ARAP2: variants seen among roughly 807,000 people sequenced by gnomAD.
ARAP2 encodes arf-GAP with Rho-GAP domain, ANK repeat and PH domain-containing protein 2.
Under a neutral mutation model 194.5 loss-of-function variants are expected in ARAP2, and 148 were observed. The observed-to-expected ratio is 0.76, with a 90% CI of 0.67 to 0.87. ARAP2 has a LOEUF of 0.87. ARAP2 is among the 40% of genes least tolerant of loss of function. The probability of loss-of-function intolerance (pLI) is 0.00; values close to 1 mark genes in which losing one functional copy is unlikely to be tolerated. For synonymous variants in ARAP2, 695 were observed against 683.5 expected (o/e 1.02, Z -0.26); for missense variants, 2,128 against 1,989.7 (o/e 1.07, Z -1.32).
At chr4:36,114,897 C>T (rs536413107) in intron 25 of ARAP2, among the ~76,000 whole-genome samples, 3 of 152,076 alleles carry the variant, frequency 2.0e-5, no homozygotes, top group South Asian at 4.1e-4. Context: ...AAGCACATCA[C>T]CTCTTCAGGG....
chr4:36,194,495 A>G (rs1742655273), intron 6 of ARAP2, among the ~76,000 whole-genome samples: 2 of 152,166 alleles, frequency 1.3e-5, no homozygotes, highest in South Asian at 4.1e-4. Flanking sequence ...ACAAATATCA[A>G]CTCTGTCTAC....
intron 9 of ARAP2, among the ~76,000 whole-genome samples, chr4:36,167,526 A>G (rs1323788349): frequency 2.0e-5 from 3 of 152,158 alleles, no homozygotes; most frequent in Non-Finnish European, 4.4e-5. Context: ...TCTGGAGCCC[A>G]ATCTGATTGC....
rs1375425096 is a variant in ARAP2 at position 36,229,482 on chromosome 4, G to C, written c.5C>G (p.Ser2Cys). Residue 2 changes from serine to cysteine, a missense_variant, in exon 2 of 33, where the codon TCC becomes TGC. Coordinates refer to ENST00000303965, the MANE Select transcript of ARAP2 (RefSeq NM_015230.4). M[S>C]SVSEVNVDIK... ...ATCCACATTTACTTCACTGACTGAGGACATAATGGTGGCTTCATTACTAAG... is the reference window on the plus strand; with the variant it reads ...ATCCACATTTACTTCACTGACTGAGCACATAATGGTGGCTTCATTACTAAG... 8 of 1,601,010 alleles carry C rather than the reference G, an allele frequency of 5.0e-6. No homozygotes were observed. The highest frequency in any genetic ancestry group is 6.0e-6 in the Non-Finnish European group (7 of 1,172,384).
At chr4:36,211,420 T>C (rs1414690008) in intron 5 of ARAP2, among the ~76,000 whole-genome samples, 1 of 152,128 alleles carries the variant, frequency 6.6e-6, no homozygotes, top group Non-Finnish European at 1.5e-5. Flanking sequence ...GATGACATAA[T>C]AGATCAACTC....
At chr4:36,048,447 T>C (rs116672532) in intron 3 of ARAP2, among the ~76,000 whole-genome samples, 9,582 of 152,260 alleles carry the variant, frequency 0.063, 348 homozygotes, top group East Asian at 0.094. Context: ...CTCCCACTTA[T>C]AAGTGAGAAC....
intron 5 of ARAP2, among the ~76,000 whole-genome samples, chr4:36,021,907 G>A (rs1717011692): frequency 6.6e-6 from 1 of 152,118 alleles, no homozygotes; most frequent in African/African-American, 2.4e-5. Flanking sequence ...TTTGTTGTGT[G>A]AACATCAGAG....
chr4:36,088,770 C>A (rs558994481), intron 28 of ARAP2, among the ~76,000 whole-genome samples: 5 of 152,196 alleles, frequency 3.3e-5, no homozygotes, highest in African/African-American at 1.2e-4. Context: ...TGAACAGAAG[C>A]CACAGAACAA....
intron 16 of ARAP2, 70 bp from the exon 17 acceptor site, chr4:36,148,577 G>C: frequency 9.4e-7 from 1 of 1,067,694 alleles, no homozygotes; most frequent in Non-Finnish European, 1.4e-6. Context: ...TAACACAAAG[G>C]TCATGTTTTT....
At chr4:36,178,152 C>G in intron 8 of ARAP2, 147 bp from the exon 9 acceptor site, 1 of 646,752 alleles carries the variant, frequency 1.5e-6, no homozygotes. Flanking sequence ...GTAAACAGAG[C>G]CAATGACTCA....
At chr4:36,065,327 G>T (rs1048198591), downstream of ARAP2, 3 of 500,610 alleles carry the variant, frequency 6.0e-6, no homozygotes, top group South Asian at 4.5e-5. Context: ...ATGTCCCAAA[G>T]AGCTGGCTGT....
intron 9 of ARAP2, among the ~76,000 whole-genome samples, chr4:36,009,598 A>G (rs1577513527): frequency 6.6e-6 from 1 of 152,104 alleles, no homozygotes. Flanking sequence ...TCAACATCAC[A>G]CAATATACCT....
At position 36,150,950 on chromosome 4, in the gene ARAP2, A is replaced by G; in HGVS notation, c.2847T>C (p.Asn949=). 2 of 1,613,402 alleles carry G rather than the reference A, an allele frequency of 1.2e-6. No homozygotes were observed. The highest frequency in any genetic ancestry group is 1.7e-6 in the Non-Finnish European group (2 of 1,179,642). ...STTPNGTINI[N]EVICLAIHKE... ...TGTGTATAGCCAGGCAGATAACTTCATTGATATTAATGGTGCCATTAGGTG... is the reference window on the plus strand; with the variant it reads ...TGTGTATAGCCAGGCAGATAACTTCGTTGATATTAATGGTGCCATTAGGTG... The change falls in exon 16 of 33, where the codon AAT becomes AAC. Residue 949 remains asparagine, a synonymous_variant. Transcript: ENST00000303965.
At chr4:36,011,087 T>A (rs1452012060) in intron 9 of ARAP2, among the ~76,000 whole-genome samples, 1 of 152,150 alleles carries the variant, frequency 6.6e-6, no homozygotes, top group Non-Finnish European at 1.5e-5. Context: ...TCCAGCAATG[T>A]CCAAGAAAGA....
chr4:36,176,083 A>G (rs1737844662), intron 9 of ARAP2, among the ~76,000 whole-genome samples: 1 of 152,184 alleles, frequency 6.6e-6, no homozygotes, highest in Non-Finnish European at 1.5e-5. Context: ...CAAGTCAGAA[A>G]ATTTCTCTTC....
Position 36,119,677 on chromosome 4 carries a change from G to A in ARAP2, c.3936C>T (p.Ser1312=). Residue 1312 remains serine (S), a synonymous_variant, in exon 24 of 33, where the codon AGC becomes AGT. Transcript: ENST00000303965. ...GGGTGTCTTTCCACTTGGTAATAAA[G>A]CTATTTTCTATGTCCATTTGTTTGA... is the stretch of plus-strand genomic sequence containing the variant. ...DQVKQMDIEN[S]FITKWKDTQV... 6.2e-7 allele frequency: 1 copy of A among 1,603,384 alleles called. No individual in the cohort carries two copies. Among genetic ancestry groups the A allele is most frequent in the Non-Finnish European group, 8.5e-7 (1 of 1,172,106 alleles).
intron 13 of ARAP2, among the ~76,000 whole-genome samples, chr4:36,159,960 T>A (rs2109774421): frequency 6.6e-6 from 1 of 152,322 alleles, no homozygotes; most frequent in Middle Eastern, 3.4e-3. Context: ...GAAAGATGAG[T>A]GCAAAGCAAA....
intron 9 of ARAP2, 61 bp downstream of exon 9, chr4:36,177,765 CA>C (rs1553931753): frequency 6.9e-7 from 1 of 1,445,628 alleles, no homozygotes; most frequent in Non-Finnish European, 9.2e-7. Flanking sequence ...TCCTTCCAAA[CA>C]AAACATAGTT....
At chr4:36,124,719 T>G in intron 22 of ARAP2, 143 bp downstream of exon 22, 1 of 502,206 alleles carries the variant, frequency 2.0e-6, no homozygotes. Flanking sequence ...CAGTGCTATT[T>G]ATCTGTAAAT....
chr4:36,165,498 C>T lies in ARAP2; in HGVS notation c.1974-385G>A, dbSNP rs889752512. Reference sequence around the variant, plus strand: ...TGGAATATTTTGCCAAGCAAGTATGCCATGATAGTCTGAAACTATGTTATC... The same window carrying T: ...TGGAATATTTTGCCAAGCAAGTATGTCATGATAGTCTGAAACTATGTTATC... On this transcript the variant is annotated intron_variant, in intron 10 of 32. Transcript: ENST00000303965. 4.6e-5 allele frequency among the ~76,000 whole-genome samples: 7 copies of T among 151,956 alleles called. No individual in the cohort carries two copies. The East Asian group carries it at 1.4e-3, about 29-fold the overall frequency.
Sources: gnomAD v4.1 joint callset for allele counts (sites outside exome capture counted in the v4.1 genomes callset) on GRCh38, gnomAD v4.1.1 for gene constraint, MANE v1.5 for transcripts, NCBI Gene and HGNC (gene_info 2026-07-23, HGNC 2026-07-21) for gene names.